Variants in OPCML observed in about 807,000 individuals in gnomAD.
OPCML encodes opioid binding protein/cell adhesion molecule like, also known as opioid-binding protein/cell adhesion molecule.
OPCML carries 13 observed loss-of-function variants against 37.8 expected under a neutral mutation model. The ratio of observed to expected loss-of-function variants is 0.34; its 90% CI spans 0.22 to 0.55. The LOEUF (loss-of-function observed/expected upper bound fraction) is 0.55. Among genes scored for constraint, OPCML ranks in the 20% least tolerant of loss-of-function variants. The pLI is 0.91. For missense variants in OPCML, 341 were observed against 435.6 expected, an observed-to-expected ratio of 0.78 and a Z score of 1.93; for synonymous variants, 176 against 168.8, an observed-to-expected ratio of 1.04 and a Z score of -0.33.
chr11:133,458,506 A>G lies in OPCML; in HGVS notation c.61+73758T>C, dbSNP rs543143493. 3.7e-3 allele frequency among the ~76,000 whole-genome samples: 339 copies of G among 91,426 alleles called. 22 individuals are homozygous for G. Among genetic ancestry groups the G allele is most frequent in the Middle Eastern group, 8.9e-3 (2 of 224 alleles). The allele number at this position is 91,426 out of a possible 152,430, so 60.0% of individuals were successfully genotyped here. On this transcript the variant is annotated intron_variant, in intron 1 of 7. Transcript: ENST00000524381. ...TACACATATATACACGTGTGTGTGT[A>G]TATACACATATATACACTGTGTGTG... is the stretch of plus-strand genomic sequence containing the variant.
chr11:132,670,603 T>A (rs918266251), intron 2 of OPCML, among the ~76,000 whole-genome samples: 1 of 152,190 alleles, frequency 6.6e-6, no homozygotes, highest in African/African-American at 2.4e-5. Flanking sequence ...ATAAGAAGTA[T>A]ATAAGTTCCA....
At chr11:133,022,448 C>T (rs1947472467) in intron 1 of OPCML, among the ~76,000 whole-genome samples, 1 of 151,826 alleles carries the variant, frequency 6.6e-6, no homozygotes, top group African/African-American at 2.4e-5. Flanking sequence ...TTCAGTGTGA[C>T]CATCACGCAA....
chr11:132,797,910 T>C (rs886676245), intron 2 of OPCML, among the ~76,000 whole-genome samples: 1 of 152,166 alleles, frequency 6.6e-6, no homozygotes, highest in Admixed American at 6.5e-5. Context: ...TTCTTAAAAT[T>C]AGACAGCAAT....
chr11:132,972,233 C>T lies in OPCML; in HGVS notation c.62-29223G>A, dbSNP rs145311732. Among the ~76,000 whole-genome samples the T allele has an allele frequency of 5.6e-3, 854 of 152,184 alleles. 8 individuals carry two copies. The highest frequency in any genetic ancestry group is 0.019 in the African/African-American group (806 of 41,528). On this transcript the variant is annotated intron_variant, in intron 1 of 7. Transcript: ENST00000524381. Reference sequence around the variant, plus strand: ...TGTAAAACAGGAAGTCTTGGTGGCCCCAGTCCTGCGGTGTGATTTTCTAAA... The same window carrying T: ...TGTAAAACAGGAAGTCTTGGTGGCCTCAGTCCTGCGGTGTGATTTTCTAAA...
intron 1 of OPCML, among the ~76,000 whole-genome samples, chr11:133,437,239 A>C (rs1320116128): frequency 6.6e-6 from 1 of 152,190 alleles, no homozygotes; most frequent in Non-Finnish European, 1.5e-5. Flanking sequence ...ATAGACACAC[A>C]GAAGGGTGGA....
At chr11:133,311,447 T>C (rs1943065764) in intron 1 of OPCML, among the ~76,000 whole-genome samples, 1 of 152,172 alleles carries the variant, frequency 6.6e-6, no homozygotes, top group Non-Finnish European at 1.5e-5. Flanking sequence ...GCATCATTAG[T>C]GGTGAGGTCT....
intron 2 of OPCML, among the ~76,000 whole-genome samples, chr11:132,672,990 T>A (rs1006730014): frequency 1.3e-5 from 2 of 152,204 alleles, no homozygotes; most frequent in African/African-American, 4.8e-5. Context: ...TAAGAGACTT[T>A]GCTCTTCTTA....
At chr11:132,960,535 G>T (rs1946069876) in intron 1 of OPCML, among the ~76,000 whole-genome samples, 1 of 152,178 alleles carries the variant, frequency 6.6e-6, no homozygotes, top group South Asian at 2.1e-4. Flanking sequence ...GGAGAGTAAA[G>T]CAGGGCTGCG....
intron 4 of OPCML, among the ~76,000 whole-genome samples, chr11:132,476,065 A>G (rs950822358): frequency 2.0e-5 from 3 of 152,248 alleles, no homozygotes; most frequent in African/African-American, 7.2e-5. Flanking sequence ...CGCTATCAGC[A>G]CTATGTAAGA....
At chr11:133,039,557 G>A (rs1426870208) in intron 1 of OPCML, among the ~76,000 whole-genome samples, 2 of 152,090 alleles carry the variant, frequency 1.3e-5, no homozygotes, top group Non-Finnish European at 2.9e-5. Context: ...CCCATGAACA[G>A]GGGGTGGATG....
Position 132,943,267 on chromosome 11 carries a change from T to C in OPCML, c.62-257A>G. The C allele has an allele frequency of 4.3e-6, 4 of 936,844 alleles. No individual in the cohort carries two copies. Among genetic ancestry groups the C allele is most frequent in the Non-Finnish European group, 6.3e-6 (4 of 636,212 alleles). 58.0% of individuals were successfully genotyped at this position (936,844 alleles called of 1,614,324 possible). On this transcript the variant is annotated intron_variant, in intron 1 of 7. Coordinates refer to ENST00000524381, the MANE Select transcript of OPCML (RefSeq NM_001012393.5). This position sits in a 1 kb window ranked among gnomAD's most constrained non-coding sequence, Gnocchi z 4.3. The stretch of plus-strand genomic sequence containing the variant: ...CTCTCCGGAGTCTGAGAATTCTTCC[T>C]CAGATCCTGCCTCAGCTTTCCAGCC...
chr11:133,083,148 ACACACACACG>A (rs1948764873), intron 1 of OPCML, among the ~76,000 whole-genome samples: 1 of 150,360 alleles, frequency 6.7e-6, no homozygotes, highest in South Asian at 2.1e-4. Flanking sequence ...ACACACGCAC[ACACACACACG>A]CACACACCCC....
At chr11:132,908,323 T>C (rs1371632906) in intron 2 of OPCML, among the ~76,000 whole-genome samples, 5 of 152,168 alleles carry the variant, frequency 3.3e-5, no homozygotes, top group Admixed American at 2.0e-4. Context: ...CGTGCACACA[T>C]AGGTACACAC....
intron 1 of OPCML, among the ~76,000 whole-genome samples, chr11:133,366,999 A>G (rs1944555650): frequency 6.6e-6 from 1 of 151,000 alleles, no homozygotes; most frequent in Non-Finnish European, 1.5e-5. Context: ...TTTTTTGGAG[A>G]TGGAGTCTCA....
At chr11:132,708,454 C>T (rs576065438) in intron 2 of OPCML, among the ~76,000 whole-genome samples, 1 of 152,282 alleles carries the variant, frequency 6.6e-6, no homozygotes, top group African/African-American at 2.4e-5. Flanking sequence ...ATGTGGAGAT[C>T]TTTCTAGTTA....
chr11:133,155,706 A>G (rs1284550612), intron 1 of OPCML, among the ~76,000 whole-genome samples: 1 of 152,124 alleles, frequency 6.6e-6, no homozygotes, highest in Non-Finnish European at 1.5e-5. Flanking sequence ...AATTTATTCA[A>G]CTGCCTACTT....
At chr11:133,502,809 C>T (rs1010877933) in intron 1 of OPCML, among the ~76,000 whole-genome samples, 7 of 152,112 alleles carry the variant, frequency 4.6e-5, no homozygotes, top group African/African-American at 1.4e-4. Flanking sequence ...GGCCAGAATT[C>T]CTGAGATGGT....
intron 7 of OPCML, among the ~76,000 whole-genome samples, chr11:132,423,852 T>C (rs11223067): frequency 0.29 from 43,993 of 151,826 alleles, 6,418 homozygotes; most frequent in Admixed American, 0.31. Flanking sequence ...GGGGAGGACA[T>C]GGTTTTGAAG....
intron 1 of OPCML, among the ~76,000 whole-genome samples, chr11:133,215,113 A>G (rs1939527994): frequency 6.6e-6 from 1 of 152,218 alleles, no homozygotes; most frequent in Non-Finnish European, 1.5e-5. Context: ...CAAAGGCTTA[A>G]GCAGCTGTAA....
Sources: allele counts gnomAD v4.1 joint callset (sites outside exome capture counted in the v4.1 genomes callset), GRCh38; gene constraint gnomAD v4.1.1; non-coding constraint Gnocchi (gnomAD v3.1); transcripts MANE v1.5; gene names NCBI Gene and HGNC (gene_info 2026-07-23, HGNC 2026-07-21).